The following P4HB variants were observed in gnomAD, a reference collection of about 807,000 sequenced individuals.
P4HB encodes prolyl 4-hydroxylase subunit beta, also known as protein disulfide-isomerase.
In P4HB, 20 loss-of-function variants were observed where a neutral mutation model predicts 52.6. The ratio of observed to expected loss-of-function variants is 0.38; its 90% CI spans 0.27 to 0.55. P4HB has a LOEUF of 0.55. Ranked by LOEUF, P4HB falls within the 20% of genes least tolerant of loss-of-function variation. The pLI, the probability that P4HB is intolerant of heterozygous loss-of-function variation, is 0.74. For synonymous variants in P4HB, 296 were observed against 277.9 expected (o/e 1.07, Z -0.65); for missense variants, 601 against 669.2 (o/e 0.90, Z 1.12).
chr17:81,859,675 AT>A, intron 1 of P4HB: 1 of 466,300 alleles, frequency 2.1e-6, no homozygotes, highest in Non-Finnish European at 3.9e-6. Context: ...CTGACTTCTT[AT>A]TCCCCACAGG....
In P4HB at chr17:81,855,552, C is replaced by T; in HGVS notation, c.387G>A (p.Leu129=). The T allele has an allele frequency of 6.2e-7, 1 of 1,614,034 alleles. No individual in the cohort carries two copies. Among genetic ancestry groups the T allele is most frequent in the Middle Eastern group, 1.6e-4 (1 of 6,062 alleles). Residue 129 remains leucine (L), a synonymous_variant, in exon 3 of 11, where the codon CTG becomes CTA. Transcript: ENST00000331483. The surrounding 1 kb of genome is among the most constrained non-coding windows in gnomAD (Gnocchi z 4.3). The part of the protein sequence containing the change: ...GREADDIVNW[L]KKRTGPAATT... ...TGGCAGCCGGGCCCGTGCGCTTCTTCAGCCAGTTCACGATGTCATCAGCCT... is the reference window on the plus strand; with the variant it reads ...TGGCAGCCGGGCCCGTGCGCTTCTTTAGCCAGTTCACGATGTCATCAGCCT...
chr17:81,845,051 C>A, intron 10 of P4HB, 93 bp downstream of exon 10: 1 of 1,055,626 alleles, frequency 9.5e-7, no homozygotes, highest in South Asian at 1.4e-5. Flanking sequence ...CCAATGGCAC[C>A]ATTCCCATCA....
In P4HB at chr17:81,845,104, T is replaced by G. The variant is rs1338610106; in HGVS notation, c.1446+40A>C. 2.0e-6 allele frequency: 3 copies of G among 1,494,414 alleles called. No homozygotes were observed. The African/African-American group carries it at 4.1e-5, about 21-fold the overall frequency. 92.6% of individuals were successfully genotyped at this position (1,494,414 alleles called of 1,614,324 possible). ...GGCATGTCCCGTGGGGCCAAGGGGC[T>G]GAATCCCAGAGACCAGCCCAGGGCT... On this transcript the variant is annotated intron_variant, in intron 10 of 10. Coordinates refer to ENST00000331483, the MANE Select transcript of P4HB (RefSeq NM_000918.4).
intron 4 of P4HB, among the ~76,000 whole-genome samples, chr17:81,854,755 T>C (rs1042325049): frequency 2.0e-5 from 3 of 149,476 alleles, no homozygotes; most frequent in African/African-American, 7.4e-5. Context: ...GGCAGGAGAA[T>C]CACTTGAACC....
intron 4 of P4HB, 111 bp from the exon 5 acceptor site, chr17:81,847,458 G>T (rs879025405): frequency 1.2e-6 from 1 of 862,898 alleles, no homozygotes; most frequent in African/African-American, 1.6e-5. Flanking sequence ...CTGCCCTCCC[G>T]TGGGGTTTCG....
chr17:81,845,483 A>G, intron 9 of P4HB, 78 bp downstream of exon 9: 2 of 1,400,416 alleles, frequency 1.4e-6, no homozygotes, highest in Non-Finnish European at 1.9e-6. Context: ...GGCTCCTTCC[A>G]GAGAGGCACC....
At chr17:81,852,798 A>C (rs1357423228) in intron 4 of P4HB, among the ~76,000 whole-genome samples, 1 of 152,254 alleles carries the variant, frequency 6.6e-6, no homozygotes, top group East Asian at 1.9e-4. Context: ...CAAACTGTCC[A>C]TAGAGTCACA....
chr17:81,851,279 C>G (rs2038827021), intron 4 of P4HB, among the ~76,000 whole-genome samples: 1 of 152,218 alleles, frequency 6.6e-6, no homozygotes, highest in African/African-American at 2.4e-5. Flanking sequence ...CGCATCCTTT[C>G]TTACTGGCCG....
intron 2 of P4HB, chr17:81,858,711 T>C: frequency 5.3e-6 from 1 of 188,368 alleles, no homozygotes; most frequent in Non-Finnish European, 1.1e-5. Flanking sequence ...GCTCTAAGCC[T>C]CAGCCCTTTG....
intron 4 of P4HB, among the ~76,000 whole-genome samples, chr17:81,854,456 C>G (rs1290411441): frequency 6.6e-6 from 1 of 151,688 alleles, no homozygotes; most frequent in Non-Finnish European, 1.5e-5. Context: ...GTTAGAGGAT[C>G]ACTTGAGCCT....
At chr17:81,859,527 AC>A in intron 1 of P4HB, 140 bp from the exon 2 acceptor site, 1 of 720,154 alleles carries the variant, frequency 1.4e-6, no homozygotes, top group Admixed American at 2.4e-5. Flanking sequence ...CTCCTAACGC[AC>A]AAGGCTGAGC....
intron 9 of P4HB, 158 bp from the exon 10 acceptor site, chr17:81,845,388 T>C (rs551722143): frequency 2.4e-6 from 2 of 826,298 alleles, no homozygotes; most frequent in African/African-American, 1.7e-5. Flanking sequence ...CTAGGCAATA[T>C]AGTGAGATCC....
At chr17:81,848,373 G>C (rs1165963768) in intron 4 of P4HB, among the ~76,000 whole-genome samples, 2 of 152,192 alleles carry the variant, frequency 1.3e-5, no homozygotes, top group African/African-American at 2.4e-5. Flanking sequence ...GCACTAAATT[G>C]TTTTTGTCTG....
Position 81,844,077 on chromosome 17 carries a change from C to A in P4HB, c.1462G>T (p.Glu488Ter). ...TCCATGTCTGGCTCCTCTGCTTCTT[C>A]CAGGTCCTCGAGATCCTGGGATACA... ...AGDDDDLEDL[E>*]EAEEPDMEED... Residue 488 changes from glutamate to a stop codon, truncating the protein, a stop_gained, in exon 11 of 11, where the codon GAA becomes TAA. Coordinates refer to ENST00000331483, the MANE Select transcript of P4HB (RefSeq NM_000918.4). LOFTEE classifies it high-confidence loss of function. 6.2e-7 allele frequency: 1 copy of A among 1,613,150 alleles called. No homozygotes were observed. Among genetic ancestry groups the A allele is most frequent in the Non-Finnish European group, 8.5e-7 (1 of 1,179,178 alleles).
At position 81,846,150 on chromosome 17, in the gene P4HB, G is replaced by T. The variant is rs894074533; in HGVS notation, c.1057-159C>A. Among the ~76,000 whole-genome samples, 3 of 152,238 alleles carry T rather than the reference G, an allele frequency of 2.0e-5. No homozygotes were observed. Among genetic ancestry groups the T allele is most frequent in the Non-Finnish European group, 1.5e-5 (1 of 68,034 alleles). ...AGTGCCAAGAATCCAGAAAGAGAAG[G>T]CTGGGCCAGTGGGCTGGGCCCAATG... is the stretch of plus-strand genomic sequence containing the variant. On this transcript the variant is annotated intron_variant, in intron 7 of 10. Transcript: ENST00000331483. This position sits in a 1 kb window ranked among gnomAD's most constrained non-coding sequence, Gnocchi z 5.7.
At position 81,845,715 on chromosome 17, in the gene P4HB, T is replaced by G; in HGVS notation, c.1205A>C (p.Gln402Pro). The G allele has an allele frequency of 6.2e-7, 1 of 1,613,696 alleles. No individual in the cohort carries two copies. The highest frequency in any genetic ancestry group is 8.5e-7 in the Non-Finnish European group (1 of 1,179,646). ...FYAPWCGHCK[Q>P]LAPIWDKLGE... ...CAGTTTATCCCAAATGGGAGCCAAC[T>G]GTTTGCAGTGACCACACCATGGGGC... Residue 402 changes from glutamine to proline, a missense_variant, in exon 9 of 11, where the codon CAG (glutamine) becomes CCG (proline). By Grantham distance (76) the Gln-to-Pro change is moderately conservative. Coordinates refer to ENST00000331483, the MANE Select transcript of P4HB (RefSeq NM_000918.4).
chr17:81,859,567 A>G, intron 1 of P4HB, 180 bp from the exon 2 acceptor site: 1 of 610,248 alleles, frequency 1.6e-6, no homozygotes, highest in Admixed American at 2.9e-5. Context: ...GGGCAATATC[A>G]GGACAGAGGC....
chr17:81,855,029 T>C lies in P4HB; in HGVS notation c.624+113A>G, dbSNP rs2038891319. On this transcript the variant is annotated intron_variant, in intron 4 of 10. Coordinates refer to ENST00000331483, the MANE Select transcript of P4HB (RefSeq NM_000918.4). This position sits in a 1 kb window ranked among gnomAD's most constrained non-coding sequence, Gnocchi z 4.3. Reference sequence around the variant, plus strand: ...ACTTGGCAAAGCTGCAGAACATACCTATTGGGCCAAAGGTGCCAGGAGCAA... The same window carrying C: ...ACTTGGCAAAGCTGCAGAACATACCCATTGGGCCAAAGGTGCCAGGAGCAA... 4.9e-6 allele frequency: 5 copies of C among 1,021,308 alleles called. No individual in the cohort carries two copies. The Admixed American group carries it at 9.1e-5, about 19-fold the overall frequency. The allele number at this position is 1,021,308 out of a possible 1,614,324, so 63.3% of individuals were successfully genotyped here.
chr17:81,847,384 G>T, intron 4 of P4HB, 37 bp from the exon 5 acceptor site: 1 of 1,552,320 alleles, frequency 6.4e-7, no homozygotes, highest in Non-Finnish European at 8.9e-7. Context: ...GAGCATTGCT[G>T]CTGGGAGCAC....
Sources: allele counts gnomAD v4.1 joint callset (sites outside exome capture counted in the v4.1 genomes callset), GRCh38; gene constraint gnomAD v4.1.1; non-coding constraint Gnocchi (gnomAD v3.1); transcripts MANE v1.5; gene names NCBI Gene and HGNC (gene_info 2026-07-23, HGNC 2026-07-21).